Variants in LRRC7 observed in about 807,000 individuals in gnomAD.
LRRC7 encodes the protein leucine rich repeat containing 7, also known as leucine-rich repeat-containing protein 7.
Under a neutral mutation model 175.7 loss-of-function variants are expected in LRRC7, and 23 were observed. The ratio of observed to expected loss-of-function variants is 0.13; its 90% CI spans 0.09 to 0.19. The LOEUF is 0.19. LRRC7 is among the 10% of genes least tolerant of loss of function. The pLI, the probability that LRRC7 is intolerant of heterozygous loss-of-function variation, is 1.00. For missense variants in LRRC7, 1,354 were observed against 1,904.7 expected, an observed-to-expected ratio of 0.71 and a Z score of 5.38; for synonymous variants, 685 against 680.9, an observed-to-expected ratio of 1.01 and a Z score of -0.09.
At chr1:69,876,002 A>G (rs1405451072) in intron 7 of LRRC7, among the ~76,000 whole-genome samples, 1 of 152,140 alleles carries the variant, frequency 6.6e-6, no homozygotes, top group East Asian at 1.9e-4. Flanking sequence ...ACTCTCAGGA[A>G]CGTGGGGCAT....
chr1:69,859,978 C>T (rs1173790458), intron 7 of LRRC7, among the ~76,000 whole-genome samples: 1 of 151,966 alleles, frequency 6.6e-6, no homozygotes, highest in East Asian at 1.9e-4. Context: ...ATTTCTACTA[C>T]AGCCAACTTA....
chr1:69,609,047 T>A (rs887708952), intron 1 of LRRC7, among the ~76,000 whole-genome samples: 2 of 151,422 alleles, frequency 1.3e-5, no homozygotes, highest in African/African-American at 4.8e-5. Flanking sequence ...GTCCAGATAA[T>A]GGGATATTTG....
Position 70,122,437 on chromosome 1 carries a change from A to T in LRRC7, c.*550A>T, listed in dbSNP as rs1666260545. 6.6e-6 allele frequency: 1 copy of T among 152,176 alleles called. No homozygotes were observed. The highest frequency in any genetic ancestry group is 2.1e-4 in the South Asian group (1 of 4,832). 9.4% of individuals were successfully genotyped at this position (152,176 alleles called of 1,614,324 possible). On this transcript the variant is annotated 3_prime_UTR_variant, in exon 27 of 27. Transcript: ENST00000651989. Reference sequence around the variant, plus strand: ...CTTAAAATAAGACTTTACTATATTGAATCTTTTTCAATAAAAATTACATGA... The same window carrying T: ...CTTAAAATAAGACTTTACTATATTGTATCTTTTTCAATAAAAATTACATGA...
rs767024034 is a variant in LRRC7 at position 69,931,503 on chromosome 1, G to A, written c.648-4G>A. On this transcript the variant is annotated splice_region_variant and splice_polypyrimidine_tract_variant and intron_variant, in intron 7 of 26. Coordinates refer to ENST00000651989, the MANE Select transcript of LRRC7 (RefSeq NM_001370785.2). Reference sequence around the variant, plus strand: ...ACAATAGTATTTTTCTCCATCTGTTGTAGGTCAATGCACAAACTGGCCCAG... The same window carrying A: ...ACAATAGTATTTTTCTCCATCTGTTATAGGTCAATGCACAAACTGGCCCAG... 6.2e-6 allele frequency: 10 copies of A among 1,612,108 alleles called. No individual in the cohort carries two copies. The highest frequency in any genetic ancestry group is 8.5e-6 in the Non-Finnish European group (10 of 1,178,450).
chr1:69,689,707 G>A (rs1408862513), intron 2 of LRRC7, among the ~76,000 whole-genome samples: 1 of 152,008 alleles, frequency 6.6e-6, no homozygotes, highest in Admixed American at 6.6e-5. Flanking sequence ...GTACAAGGGG[G>A]CTCAAGACAA....
chr1:69,919,788 G>T, intron 7 of LRRC7: 1 of 869,836 alleles, frequency 1.1e-6, no homozygotes. Flanking sequence ...GGGGAGATGA[G>T]CGGGACAGTG....
intron 2 of LRRC7, among the ~76,000 whole-genome samples, chr1:69,732,641 A>T (rs529822082): frequency 6.6e-6 from 1 of 152,060 alleles, no homozygotes; most frequent in Non-Finnish European, 1.5e-5. Context: ...TACTGAAGAA[A>T]ACAGAATTCT....
chr1:69,805,409 T>G (rs544097091), intron 4 of LRRC7, among the ~76,000 whole-genome samples: 1 of 151,968 alleles, frequency 6.6e-6, no homozygotes, highest in Admixed American at 6.6e-5. Flanking sequence ...CTGTGACGCC[T>G]TGTGTCAGGG....
At chr1:69,869,350 C>A (rs1685276301) in intron 7 of LRRC7, among the ~76,000 whole-genome samples, 1 of 152,014 alleles carries the variant, frequency 6.6e-6, no homozygotes, top group Admixed American at 6.6e-5. Flanking sequence ...GAAGCCTAAT[C>A]TAGGTCTCTG....
chr1:70,064,789 C>T (rs1276475135), intron 23 of LRRC7, among the ~76,000 whole-genome samples: 1 of 151,788 alleles, frequency 6.6e-6, no homozygotes, highest in East Asian at 1.9e-4. Flanking sequence ...TTTTGAAATG[C>T]ATCTGTTTTC....
chr1:70,123,077 A>G lies in LRRC7; in HGVS notation c.*1190A>G, dbSNP rs775608802. 5.9e-5 allele frequency: 9 copies of G among 152,690 alleles called. No homozygotes were observed. Among genetic ancestry groups the G allele is most frequent in the Middle Eastern group, 6.8e-3 (2 of 294 alleles). 9.5% of individuals were successfully genotyped at this position (152,690 alleles called of 1,614,324 possible). A position where few individuals can be genotyped will look rare whatever the true frequency, so the allele number is the denominator to read the frequency against. ...CAGTTTCAAGGTATGTAAAATCCTG[A>G]ATGCTTTTTCACTGAAGAGAAAGAC... On this transcript the variant is annotated 3_prime_UTR_variant, in exon 27 of 27. Coordinates refer to ENST00000651989, the MANE Select transcript of LRRC7 (RefSeq NM_001370785.2).
At chr1:69,633,178 T>C (rs755594362) in intron 1 of LRRC7, among the ~76,000 whole-genome samples, 23 of 152,034 alleles carry the variant, frequency 1.5e-4, no homozygotes, top group East Asian at 3.9e-4. Flanking sequence ...TCATTCCTTA[T>C]ATATTTTTTG....
intron 7 of LRRC7, among the ~76,000 whole-genome samples, chr1:69,865,770 G>A (rs1313844289): frequency 2.6e-5 from 4 of 152,058 alleles, no homozygotes; most frequent in African/African-American, 4.8e-5. Context: ...GTGAGCTACC[G>A]CGCCCGGCCC....
chr1:69,834,957 C>A, intron 6 of LRRC7, 88 bp downstream of exon 6: 1 of 974,592 alleles, frequency 1.0e-6, no homozygotes, highest in Non-Finnish European at 1.6e-6. Flanking sequence ...TCAAAAGTGT[C>A]AGTTGTGATT....
intron 11 of LRRC7, among the ~76,000 whole-genome samples, chr1:70,009,653 T>C (rs1160100895): frequency 2.0e-5 from 3 of 152,224 alleles, no homozygotes; most frequent in Non-Finnish European, 2.9e-5. Flanking sequence ...AGTATCCTCA[T>C]TGTAAATATA....
intron 7 of LRRC7, among the ~76,000 whole-genome samples, chr1:69,928,734 G>A (rs1647175636): frequency 6.6e-6 from 1 of 152,170 alleles, no homozygotes; most frequent in Admixed American, 6.5e-5. Context: ...ACTAGGAAAG[G>A]GAACTCCTTG....
At chr1:69,876,551 C>T (rs538248624) in intron 7 of LRRC7, among the ~76,000 whole-genome samples, 2 of 152,244 alleles carry the variant, frequency 1.3e-5, no homozygotes, top group East Asian at 3.9e-4. Flanking sequence ...GTGGAAACTA[C>T]GTCTTGCTCA....
At chr1:69,789,704 A>C (rs1262182379) in intron 3 of LRRC7, among the ~76,000 whole-genome samples, 1 of 152,104 alleles carries the variant, frequency 6.6e-6, no homozygotes, top group Admixed American at 6.5e-5. Context: ...AATTTCAAAA[A>C]TATTTCTTCA....
At chr1:69,862,578 G>C (rs1437855316) in intron 7 of LRRC7, among the ~76,000 whole-genome samples, 1 of 152,074 alleles carries the variant, frequency 6.6e-6, no homozygotes, top group African/African-American at 2.4e-5. Flanking sequence ...GAGTCTATTT[G>C]CCCTGAATAG....
Sources: allele counts gnomAD v4.1 joint callset (sites outside exome capture counted in the v4.1 genomes callset), GRCh38; gene constraint gnomAD v4.1.1; transcripts MANE v1.5; gene names NCBI Gene and HGNC (gene_info 2026-07-23, HGNC 2026-07-21).